Variants in DMD observed in about 807,000 individuals in gnomAD.
DMD encodes mutant dystrophin.
DMD carries 63 observed loss-of-function variants against 330.1 expected under a neutral mutation model. The ratio of observed to expected loss-of-function variants is 0.19; its 90% confidence interval spans 0.16 to 0.24. The LOEUF (loss-of-function observed/expected upper bound fraction) is 0.24. Ranked by LOEUF, DMD falls within the 10% of genes least tolerant of loss-of-function variation. DMD has a pLI of 1.00. For missense variants in DMD, 3,344 were observed against 2,684.1 expected (o/e 1.25, Z -5.43); for synonymous variants, 1,223 against 959.8 (o/e 1.27, Z -5.07).
rs766684444 is a variant in DMD at position 31,587,129 on chromosome X, T to C, written c.8217+40544A>G. Reference sequence around the variant, plus strand: ...AATAGTAACAACAACGTAGGAATAATTGTATAGGCTCCTAAGGTGACCATT... The same window carrying C: ...AATAGTAACAACAACGTAGGAATAACTGTATAGGCTCCTAAGGTGACCATT... On this transcript the variant is annotated intron_variant, in intron 55 of 78. Coordinates refer to ENST00000357033, the MANE Select transcript of DMD (RefSeq NM_004006.3). Among the ~76,000 whole-genome samples, 4 of 111,783 alleles carry C rather than the reference T, an allele frequency of 3.6e-5. No homozygotes were observed. In the South Asian group the frequency reaches 1.5e-3, roughly 42 times the overall value.
intron 45 of DMD, among the ~76,000 whole-genome samples, chrX:31,933,073 C>T (rs943191820): frequency 2.7e-5 from 3 of 111,590 alleles, no homozygotes; most frequent in Non-Finnish European, 3.8e-5. Flanking sequence ...TGGTTGAGAA[C>T]CAACTAAAGT....
chrX:31,200,683 C>T (rs1481313913), intron 67 of DMD, among the ~76,000 whole-genome samples: 2 of 111,355 alleles, frequency 1.8e-5, no homozygotes, highest in Non-Finnish European at 3.8e-5. Context: ...CACTAGACAA[C>T]AGAAAGATAC....
rs775753501 is a variant in DMD at position 33,236,332 on chromosome X, T to C, written c.7+102927A>G. ...TAGGCTGGAGTGCAATGGCGCGATC[T>C]CGGCTCACTGCAACCTCAGCCTTCC... On this transcript the variant is annotated intron_variant, in intron 1 of 17. Coordinates refer to the DMD transcript ENST00000288447. Among the ~76,000 whole-genome samples the C allele has an allele frequency of 1.7e-4, 18 of 107,168 alleles. 1 individual carries two copies. In the South Asian group the frequency reaches 3.9e-3, roughly 23 times the overall value. The allele number at this position is 107,168 out of a possible 115,157, so 93.1% of individuals were successfully genotyped here. A position where few individuals can be genotyped will look rare whatever the true frequency, so the allele number is the denominator to read the frequency against.
chrX:31,437,972 C>A, intron 60 of DMD, among the ~76,000 whole-genome samples: 1 of 109,984 alleles, frequency 9.1e-6, no homozygotes. Flanking sequence ...GGCTCAATGG[C>A]CATATGTAGC....
intron 11 of DMD, among the ~76,000 whole-genome samples, chrX:32,620,722 A>G (rs1263339379): frequency 1.8e-5 from 2 of 112,136 alleles, no homozygotes; most frequent in African/African-American, 6.5e-5. Context: ...CATATTTGTT[A>G]GGAATGGACA....
At chrX:32,539,096 A>G (rs2048256175) in intron 17 of DMD, among the ~76,000 whole-genome samples, 1 of 111,658 alleles carries the variant, frequency 9.0e-6, no homozygotes, top group African/African-American at 3.3e-5. Flanking sequence ...GATGCATAAG[A>G]CAACATAATC....
intron 2 of DMD, among the ~76,000 whole-genome samples, chrX:32,941,340 C>T (rs1217118445): frequency 8.9e-6 from 1 of 111,850 alleles, no homozygotes; most frequent in Non-Finnish European, 1.9e-5. Flanking sequence ...AACATAAAGA[C>T]ACATGCATTC....
At chrX:31,289,113 C>G (rs1247357540) in intron 62 of DMD, among the ~76,000 whole-genome samples, 1 of 107,786 alleles carries the variant, frequency 9.3e-6, no homozygotes. Context: ...AACTCTATCT[C>G]TATAAAAATA....
intron 61 of DMD, among the ~76,000 whole-genome samples, chrX:31,344,045 G>T (rs1488438532): frequency 1.1e-5 from 1 of 93,372 alleles, no homozygotes; most frequent in African/African-American, 3.7e-5. Flanking sequence ...TGCGGGGGGG[G>T]GTGGATTATG....
intron 60 of DMD, among the ~76,000 whole-genome samples, chrX:31,433,167 C>G (rs2064207613): frequency 8.9e-6 from 1 of 112,050 alleles, no homozygotes; most frequent in African/African-American, 3.2e-5. Context: ...TCTGTTTCTG[C>G]TTTAATTCGC....
chrX:32,750,683 T>C (rs2070695349), intron 7 of DMD, among the ~76,000 whole-genome samples: 1 of 110,557 alleles, frequency 9.0e-6, no homozygotes, highest in Admixed American at 9.7e-5. Context: ...ATCCTTGCAG[T>C]GGATTGAGAA....
intron 47 of DMD, among the ~76,000 whole-genome samples, chrX:31,893,391 C>T (rs2094285823): frequency 9.0e-6 from 1 of 111,471 alleles, no homozygotes; most frequent in South Asian, 3.8e-4. Flanking sequence ...CACCGTCCTC[C>T]AAGGTTGTGC....
At chrX:32,328,979 C>A (rs2097665801) in intron 41 of DMD, among the ~76,000 whole-genome samples, 1 of 111,218 alleles carries the variant, frequency 9.0e-6, no homozygotes, top group Non-Finnish European at 1.9e-5. Context: ...AAATACAGAA[C>A]AACCAACTCT....
intron 29 of DMD, among the ~76,000 whole-genome samples, chrX:32,434,598 A>C (rs1480705549): frequency 1.8e-5 from 2 of 111,932 alleles, no homozygotes; most frequent in African/African-American, 3.2e-5. Context: ...TTGTTTCTTC[A>C]GCCTCTCAGA....
intron 62 of DMD, among the ~76,000 whole-genome samples, chrX:31,264,259 C>A (rs1052735845): frequency 1.8e-5 from 2 of 111,874 alleles, no homozygotes; most frequent in Non-Finnish European, 1.9e-5. Context: ...ACACGGTGTG[C>A]TAGGGAGGAG....
intron 30 of DMD, among the ~76,000 whole-genome samples, chrX:32,394,008 T>C (rs1467466494): frequency 8.9e-6 from 1 of 111,773 alleles, no homozygotes; most frequent in Non-Finnish European, 1.9e-5. Context: ...CTAATAAAAA[T>C]AGTTTAAATT....
intron 64 of DMD, among the ~76,000 whole-genome samples, chrX:31,214,707 C>A (rs1473117965): frequency 9.1e-6 from 1 of 110,104 alleles, no homozygotes; most frequent in African/African-American, 3.3e-5. Flanking sequence ...TGGAAAAGAT[C>A]AAAATTCAAA....
chrX:32,607,512 C>T lies in DMD; in HGVS notation c.1482+6791G>A, dbSNP rs368848988. 1.2e-4 allele frequency among the ~76,000 whole-genome samples: 13 copies of T among 109,367 alleles called. No homozygotes were observed. The East Asian group carries it at 3.1e-3, about 26-fold the overall frequency. The allele number at this position is 109,367 out of a possible 115,157, so 95.0% of individuals were successfully genotyped here. A position where few individuals can be genotyped will look rare whatever the true frequency, so the allele number is the denominator to read the frequency against. On this transcript the variant is annotated intron_variant, in intron 12 of 78. Coordinates refer to ENST00000357033, the MANE Select transcript of DMD (RefSeq NM_004006.3). ...ACTTCCAATGAATAAGAGAGTACTA[C>T]CAGATGTACCAGTAGAAATCTACTA...
intron 9 of DMD, among the ~76,000 whole-genome samples, chrX:32,670,644 G>A (rs1220496854): frequency 8.9e-6 from 1 of 111,930 alleles, no homozygotes; most frequent in African/African-American, 3.2e-5. Flanking sequence ...TATATGTGAC[G>A]ATTTTTGCAA....
Sources: allele counts gnomAD v4.1 joint callset (sites outside exome capture counted in the v4.1 genomes callset), GRCh38; gene constraint gnomAD v4.1.1; transcripts MANE v1.5; gene names NCBI Gene and HGNC (gene_info 2026-07-23, HGNC 2026-07-21).